Variants in VPS13A observed in about 807,000 individuals in gnomAD.
The protein encoded by VPS13A is vacuolar protein sorting 13 homolog A, also known as intermembrane lipid transfer protein VPS13A.
In VPS13A, 264 loss-of-function variants were observed where a neutral mutation model predicts 390.9. The ratio of observed to expected loss-of-function variants is 0.68; its 90% confidence interval spans 0.61 to 0.75. VPS13A has a LOEUF of 0.75. Among genes scored for constraint, VPS13A ranks in the 30% least tolerant of loss-of-function variants. The pLI, the probability that VPS13A is intolerant of heterozygous loss-of-function variation, is 0.00. For synonymous variants in VPS13A, 1,231 were observed against 1,227.1 expected (o/e 1.00, Z -0.07); for missense variants, 3,409 against 3,733.9 (o/e 0.91, Z 2.27).
chr9:77,179,837 G>T (rs4012480), intron 1 of VPS13A, among the ~76,000 whole-genome samples: 31,026 of 151,716 alleles, frequency 0.2, 3,361 homozygotes, highest in Middle Eastern at 0.26. Flanking sequence ...AAATTAAATC[G>T]TATGTCCATT....
At chr9:77,318,832 A>C (rs533709852) in intron 41 of VPS13A, among the ~76,000 whole-genome samples, 5 of 152,150 alleles carry the variant, frequency 3.3e-5, no homozygotes, top group Non-Finnish European at 7.3e-5. Flanking sequence ...ATTTCAACTG[A>C]TTTTATCAAC....
Position 77,357,673 on chromosome 9 carries a change from G to A in VPS13A, c.7807-19G>A. The A allele has an allele frequency of 6.2e-7, 1 of 1,611,000 alleles. No individual in the cohort carries two copies. Among genetic ancestry groups the A allele is most frequent in the Non-Finnish European group, 8.5e-7 (1 of 1,178,546 alleles). ...TATAGATAAATTAATTTTTTCATTTGGGGGGACATATTTTTCAGGTTCGCC... is the reference window on the plus strand; with the variant it reads ...TATAGATAAATTAATTTTTTCATTTAGGGGGACATATTTTTCAGGTTCGCC... On this transcript the variant is annotated intron_variant, in intron 55 of 71. Transcript: ENST00000360280.
At chr9:77,187,758 G>T (rs1297212271) in intron 1 of VPS13A, among the ~76,000 whole-genome samples, 2 of 151,976 alleles carry the variant, frequency 1.3e-5, no homozygotes, top group African/African-American at 2.4e-5. Flanking sequence ...TGGGTTTGTT[G>T]TGTGGGTTAA....
intron 50 of VPS13A, among the ~76,000 whole-genome samples, chr9:77,342,229 A>G (rs1227358561): frequency 6.6e-6 from 1 of 152,196 alleles, no homozygotes; most frequent in Admixed American, 6.5e-5. Flanking sequence ...CAAACCTTTA[A>G]TCACTTACTG....
chr9:77,310,432 C>T (rs923081764), intron 35 of VPS13A, among the ~76,000 whole-genome samples: 18 of 152,080 alleles, frequency 1.2e-4, no homozygotes, highest in African/African-American at 3.6e-4. Flanking sequence ...ATAACTGATA[C>T]AGACAGGAAA....
chr9:77,207,177 G>T (rs539930055), intron 5 of VPS13A, among the ~76,000 whole-genome samples: 4 of 102,714 alleles, frequency 3.9e-5, no homozygotes, highest in African/African-American at 1.3e-4. Flanking sequence ...TACTAAATAT[G>T]GTGCTCAAAC....
chr9:77,408,652 C>G (rs947978335), intron 71 of VPS13A, among the ~76,000 whole-genome samples: 3 of 152,234 alleles, frequency 2.0e-5, no homozygotes, highest in African/African-American at 7.2e-5. Context: ...ATATCCCATG[C>G]CTGGCTCGGA....
Position 77,317,652 on chromosome 9 carries a change from C to G in VPS13A, c.4910C>G (p.Thr1637Arg). The change falls in exon 40 of 72, where the codon ACA becomes AGA. Residue 1637 changes from threonine to arginine, a missense_variant. Physicochemically the swap from Thr to Arg is moderately conservative, Grantham distance 71 (BLOSUM62 -1). This residue lies in a region of VPS13A where 2,717 missense variants were observed against 2,917.4 expected (regional missense o/e 0.93). Transcript: ENST00000360280. The part of the protein sequence containing the change: ...DLFYQTTQKG[T>R]DPQVIDMSVK... ...TTTTATCAAACTACTCAGAAAGGTA[C>G]AGATCCACAAGTGATCGATATGTCA... The G allele has an allele frequency of 6.2e-7, 1 of 1,603,306 alleles. No individual in the cohort carries two copies. The highest frequency in any genetic ancestry group is 8.5e-7 in the Non-Finnish European group (1 of 1,174,288).
intron 10 of VPS13A, 118 bp from the exon 11 acceptor site, chr9:77,219,836 G>A: frequency 1.9e-6 from 2 of 1,035,958 alleles, no homozygotes; most frequent in South Asian, 1.4e-5. Context: ...GTGAACATCT[G>A]GGAACTGTAG....
chr9:77,350,454 C>CT (rs1831389820), intron 52 of VPS13A, among the ~76,000 whole-genome samples: 1 of 152,022 alleles, frequency 6.6e-6, no homozygotes, highest in African/African-American at 2.4e-5. Flanking sequence ...TGGAAAAAGT[C>CT]TGAGTTATTT....
chr9:77,312,508 G>T (rs1459163326), intron 35 of VPS13A, among the ~76,000 whole-genome samples: 1 of 151,558 alleles, frequency 6.6e-6, no homozygotes, highest in Admixed American at 6.6e-5. Context: ...CTCACTGCAA[G>T]CTCCGCCTCC....
intron 22 of VPS13A, among the ~76,000 whole-genome samples, chr9:77,259,735 C>G (rs994011694): frequency 2.0e-5 from 3 of 152,088 alleles, no homozygotes; most frequent in African/African-American, 7.2e-5. Flanking sequence ...AAATAGAGAG[C>G]AAAAATAGGT....
At chr9:77,391,120 C>T (rs1833880419) in intron 68 of VPS13A, among the ~76,000 whole-genome samples, 1 of 151,830 alleles carries the variant, frequency 6.6e-6, no homozygotes, top group Admixed American at 6.5e-5. Flanking sequence ...CTTAATTAAG[C>T]AAAGTTGCTA....
intron 33 of VPS13A, among the ~76,000 whole-genome samples, chr9:77,299,177 T>A (rs1017294490): frequency 2.6e-5 from 4 of 152,214 alleles, no homozygotes; most frequent in African/African-American, 9.7e-5. Context: ...TAGTATAGTT[T>A]GAAGTCAGGT....
intron 20 of VPS13A, 40 bp downstream of exon 20, chr9:77,247,435 G>T: frequency 1.3e-6 from 2 of 1,542,482 alleles, no homozygotes; most frequent in East Asian, 2.3e-5. Context: ...ACAGCATTTG[G>T]GGTGTTTCTT....
intron 68 of VPS13A, among the ~76,000 whole-genome samples, chr9:77,394,545 A>G (rs1834046934): frequency 6.6e-6 from 1 of 152,174 alleles, no homozygotes; most frequent in Non-Finnish European, 1.5e-5. Context: ...CTCTAAAGAA[A>G]TTAAATAAAG....
chr9:77,223,252 C>G (rs1371593336), intron 13 of VPS13A, among the ~76,000 whole-genome samples: 1 of 152,114 alleles, frequency 6.6e-6, no homozygotes, highest in East Asian at 1.9e-4. Flanking sequence ...CTGCTTGGGC[C>G]TCCTTATTCC....
chr9:77,298,298 G>A (rs1039797654), intron 33 of VPS13A, among the ~76,000 whole-genome samples: 1 of 152,192 alleles, frequency 6.6e-6, no homozygotes, highest in African/African-American at 2.4e-5. Flanking sequence ...GTAATAATTT[G>A]TGCTAGTCAC....
At chr9:77,193,384 A>G (rs1256153667) in intron 1 of VPS13A, among the ~76,000 whole-genome samples, 2 of 152,212 alleles carry the variant, frequency 1.3e-5, no homozygotes, top group Non-Finnish European at 2.9e-5. Context: ...CTGTAATCCC[A>G]GCACTTTGGG....
Sources: gnomAD v4.1 joint callset for allele counts (sites outside exome capture counted in the v4.1 genomes callset) on GRCh38, gnomAD v4.1.1 for gene constraint, gnomAD v4.1.1 regional missense constraint, MANE v1.5 for transcripts, NCBI Gene and HGNC (gene_info 2026-07-23, HGNC 2026-07-21) for gene names.